MAEA: variants seen among roughly 807,000 people sequenced by gnomAD.
MAEA encodes E3 ubiquitin-protein transferase MAEA.
Under a neutral mutation model 46.2 loss-of-function variants are expected in MAEA, and 22 were observed. The observed-to-expected ratio is 0.48, with a 90% CI of 0.34 to 0.68. The LOEUF (loss-of-function observed/expected upper bound fraction) is 0.68, where lower values mean the gene tolerates loss of function less well. Ranked by LOEUF, MAEA falls within the 30% of genes least tolerant of loss-of-function variation. MAEA has a pLI of 0.01. For synonymous variants in MAEA, 246 were observed against 222.6 expected, an observed-to-expected ratio of 1.11 and a Z score of -0.94; for missense variants, 393 against 558.1, an observed-to-expected ratio of 0.70 and a Z score of 2.98.
chr4:1,323,107 C>T (rs762883743), intron 4 of MAEA, among the ~76,000 whole-genome samples: 3 of 151,896 alleles, frequency 2.0e-5, no homozygotes, highest in African/African-American at 7.3e-5. Context: ...CCACCATGCC[C>T]GGCTAATTTT....
Position 1,311,944 on chromosome 4 carries a change from G to T in MAEA, c.70-35G>T, listed in dbSNP as rs760143547. On this transcript the variant is annotated intron_variant, in intron 1 of 8. Transcript: ENST00000303400. The surrounding 1 kb of genome is among the most constrained non-coding windows in gnomAD (Gnocchi z 4.4). ...TGGGGCTGGTGGGGCTCACACCAGGGGAGCAGATCCCTCACCATCCTCCTT... is the reference window on the plus strand; with the variant it reads ...TGGGGCTGGTGGGGCTCACACCAGGTGAGCAGATCCCTCACCATCCTCCTT... The T allele has an allele frequency of 4.4e-6, 7 of 1,577,090 alleles. No homozygotes were observed. In the Admixed American group the frequency reaches 1.2e-4, roughly 27 times the overall value.
chr4:1,308,122 C>T (rs1176949319), intron 1 of MAEA, among the ~76,000 whole-genome samples: 1 of 151,766 alleles, frequency 6.6e-6, no homozygotes, highest in South Asian at 2.1e-4. Context: ...GCTGCACGCC[C>T]GCACCGTGGT....
intron 5 of MAEA, chr4:1,331,133 G>C (rs1014067825): frequency 4.6e-5 from 7 of 151,240 alleles, no homozygotes; most frequent in African/African-American, 1.7e-4. Context: ...GGGTTGGGTG[G>C]GGCTCCTCCT....
chr4:1,323,050 G>A (rs1281190872), intron 4 of MAEA, among the ~76,000 whole-genome samples: 2 of 139,120 alleles, frequency 1.4e-5, no homozygotes, highest in African/African-American at 5.5e-5. Context: ...GTGTTCAAGC[G>A]ATTCTCTTGC....
chr4:1,333,948 C>T (rs1223912065), intron 6 of MAEA, among the ~76,000 whole-genome samples: 29 of 86,532 alleles, frequency 3.4e-4, no homozygotes, highest in East Asian at 2.1e-3. Context: ...GCCCATGTGC[C>T]CACCCCTGCA....
At chr4:1,292,398 A>G (rs1215336915) in intron 1 of MAEA, among the ~76,000 whole-genome samples, 1 of 152,096 alleles carries the variant, frequency 6.6e-6, no homozygotes, top group Non-Finnish European at 1.5e-5. Flanking sequence ...CCTGGCAGGT[A>G]CTTATTTTTC....
intron 1 of MAEA, among the ~76,000 whole-genome samples, chr4:1,292,636 C>T (rs2108845118): frequency 1.3e-5 from 2 of 152,260 alleles, no homozygotes; most frequent in South Asian, 4.1e-4. Flanking sequence ...AGAGCATGCC[C>T]CCAAAATGTC....
chr4:1,330,134 T>C (rs2108990953), intron 5 of MAEA: 1 of 985,452 alleles, frequency 1.0e-6, no homozygotes, highest in East Asian at 1.1e-4. Flanking sequence ...GAGCTGCTAG[T>C]GATTAACTTT....
intron 3 of MAEA, among the ~76,000 whole-genome samples, chr4:1,317,857 G>A (rs371246055): frequency 2.6e-5 from 4 of 152,170 alleles, no homozygotes; most frequent in Admixed American, 6.5e-5. Flanking sequence ...GTCATGACTC[G>A]CAGCCACTCC....
chr4:1,319,401 G>A (rs1361683499), intron 3 of MAEA, among the ~76,000 whole-genome samples: 3 of 152,114 alleles, frequency 2.0e-5, no homozygotes, highest in African/African-American at 7.2e-5. Flanking sequence ...CAGAAAACCA[G>A]TTCACTTAGA....
At chr4:1,328,491 G>A (rs1478151552) in intron 5 of MAEA, 5 of 492,548 alleles carry the variant, frequency 1.0e-5, no homozygotes, top group Admixed American at 8.5e-5. Context: ...CAAGCCTTGC[G>A]GTGACGCTTG....
chr4:1,291,957 G>A (rs572100964), intron 1 of MAEA, among the ~76,000 whole-genome samples: 3 of 152,330 alleles, frequency 2.0e-5, no homozygotes, highest in African/African-American at 7.2e-5. Flanking sequence ...ATTCCTAGTG[G>A]ATAATGGAGG....
At chr4:1,318,212 A>G (rs1405173755) in intron 3 of MAEA, among the ~76,000 whole-genome samples, 1 of 152,114 alleles carries the variant, frequency 6.6e-6, no homozygotes, top group Non-Finnish European at 1.5e-5. Flanking sequence ...ATCCTCTCCT[A>G]AACGCCCAGC....
chr4:1,318,933 C>A (rs1350746183), intron 3 of MAEA, among the ~76,000 whole-genome samples: 1 of 114,496 alleles, frequency 8.7e-6, no homozygotes, highest in Non-Finnish European at 1.9e-5. Flanking sequence ...CACCCAGGAA[C>A]AGGACAGGAA....
chr4:1,305,540 T>G (rs950646111), intron 1 of MAEA, among the ~76,000 whole-genome samples: 1 of 152,178 alleles, frequency 6.6e-6, no homozygotes, highest in Non-Finnish European at 1.5e-5. Flanking sequence ...AGTCATCTGG[T>G]AGGTGTCTTT....
Position 1,311,692 on chromosome 4 carries a change from T to C in MAEA, c.70-287T>C, listed in dbSNP as rs984518362. Among the ~76,000 whole-genome samples the C allele has an allele frequency of 2.6e-5, 4 of 152,244 alleles. No homozygotes were observed. Among genetic ancestry groups the C allele is most frequent in the East Asian group, 1.9e-4 (1 of 5,198 alleles). On this transcript the variant is annotated intron_variant, in intron 1 of 8. Coordinates refer to ENST00000303400, the MANE Select transcript of MAEA (RefSeq NM_001017405.3). The surrounding 1 kb of genome is among the most constrained non-coding windows in gnomAD (Gnocchi z 4.4). ...TCTCCTGTTTGGAAATTTCTTTAACTGTTCGTTATTCTGGATGAACTTTGG... is the reference window on the plus strand; with the variant it reads ...TCTCCTGTTTGGAAATTTCTTTAACCGTTCGTTATTCTGGATGAACTTTGG...
intron 3 of MAEA, among the ~76,000 whole-genome samples, chr4:1,316,623 C>T (rs1737208517): frequency 6.6e-6 from 1 of 152,120 alleles, no homozygotes; most frequent in East Asian, 1.9e-4. Flanking sequence ...CCACCTCCTC[C>T]CTGCTTCTGT....
intron 5 of MAEA, chr4:1,328,789 T>G: frequency 9.1e-7 from 1 of 1,102,876 alleles, no homozygotes. Flanking sequence ...CTGCTCCGGC[T>G]CCTGATGCTG....
intron 4 of MAEA, among the ~76,000 whole-genome samples, chr4:1,326,579 C>A (rs1477865069): frequency 6.6e-6 from 1 of 152,190 alleles, no homozygotes; most frequent in Non-Finnish European, 1.5e-5. Context: ...GTGAGAGGCT[C>A]ATAGGCAGAC....
Sources: allele counts gnomAD v4.1 joint callset (sites outside exome capture counted in the v4.1 genomes callset), GRCh38; gene constraint gnomAD v4.1.1; non-coding constraint Gnocchi (gnomAD v3.1); transcripts MANE v1.5; gene names NCBI Gene and HGNC (gene_info 2026-07-23, HGNC 2026-07-21).